Variants in MGAT4C observed in about 807,000 individuals in gnomAD.
The protein encoded by MGAT4C is alpha-1,3-mannosyl-glycoprotein 4-beta-N-acetylglucosaminyltransferase C.
MGAT4C carries 19 observed loss-of-function variants against 40.1 expected under a neutral mutation model. The observed-to-expected ratio is 0.47, with a 90% confidence interval of 0.33 to 0.70. MGAT4C has a LOEUF of 0.70. Among genes scored for constraint, MGAT4C ranks in the 30% least tolerant of loss-of-function variants. The pLI is 0.02. For missense variants in MGAT4C, 491 were observed against 563.2 expected, an observed-to-expected ratio of 0.87 and a Z score of 1.30; for synonymous variants, 181 against 187.1, an observed-to-expected ratio of 0.97 and a Z score of 0.27.
intron 2 of MGAT4C, among the ~76,000 whole-genome samples, chr12:86,457,033 G>A (rs774993765): frequency 6.6e-6 from 1 of 152,086 alleles, no homozygotes; most frequent in Non-Finnish European, 1.5e-5. Flanking sequence ...GGTCCAGGAC[G>A]TCCCTATTTC....
intron 2 of MGAT4C, among the ~76,000 whole-genome samples, chr12:86,661,211 A>C (rs1666743714): frequency 6.6e-6 from 1 of 152,056 alleles, no homozygotes. Flanking sequence ...AGAAAGGAAA[A>C]GGAAAAAGCC....
chr12:86,461,089 A>T (rs1957591137), intron 2 of MGAT4C, among the ~76,000 whole-genome samples: 1 of 152,120 alleles, frequency 6.6e-6, no homozygotes, highest in African/African-American at 2.4e-5. Flanking sequence ...TAGGTCTCAA[A>T]GCCATTCAAG....
At chr12:86,034,072 T>C (rs142750441) in intron 2 of MGAT4C, among the ~76,000 whole-genome samples, 1 of 150,056 alleles carries the variant, frequency 6.7e-6, no homozygotes, top group Non-Finnish European at 1.5e-5. Flanking sequence ...TTTGCATATG[T>C]TGAACCAGCC....
chr12:86,443,975 G>T (rs181112454), intron 2 of MGAT4C, among the ~76,000 whole-genome samples: 3 of 151,986 alleles, frequency 2.0e-5, no homozygotes, highest in Non-Finnish European at 4.4e-5. Context: ...CTCCCTCTGC[G>T]TTAATTCATC....
At chr12:86,207,493 A>G (rs775819120) in intron 1 of MGAT4C, among the ~76,000 whole-genome samples, 36 of 151,940 alleles carry the variant, frequency 2.4e-4, no homozygotes, top group Non-Finnish European at 3.7e-4. Context: ...CCCTGTGTCC[A>G]TGTGTTCTAC....
chr12:86,159,359 C>T (rs567646392), intron 1 of MGAT4C, among the ~76,000 whole-genome samples: 23 of 150,336 alleles, frequency 1.5e-4, no homozygotes, highest in Non-Finnish European at 3.0e-4. Flanking sequence ...CCTCACATCT[C>T]AGGAATAAAG....
chr12:86,367,893 C>T (rs1306640700), intron 3 of MGAT4C, among the ~76,000 whole-genome samples: 1 of 152,182 alleles, frequency 6.6e-6, no homozygotes, highest in Non-Finnish European at 1.5e-5. Context: ...GGGCTCCGAC[C>T]TAACATGGCC....
intron 2 of MGAT4C, among the ~76,000 whole-genome samples, chr12:86,462,218 C>A (rs1002753525): frequency 2.6e-5 from 4 of 152,238 alleles, no homozygotes; most frequent in Non-Finnish European, 4.4e-5. Context: ...TCTTTAGCAA[C>A]AATTTTTTCC....
intron 2 of MGAT4C, among the ~76,000 whole-genome samples, chr12:86,504,768 C>T (rs973697894): frequency 2.0e-5 from 3 of 152,054 alleles, no homozygotes; most frequent in African/African-American, 7.2e-5. Flanking sequence ...TTCACTGCAA[C>T]CTCCGCCTCC....
At chr12:86,394,614 C>CTT (rs1222338180) in intron 3 of MGAT4C, among the ~76,000 whole-genome samples, 2 of 93,034 alleles carry the variant, frequency 2.1e-5, no homozygotes, top group African/African-American at 3.3e-5. Flanking sequence ...TATATATATA[C>CTT]TTTATATATA....
At chr12:86,542,231 A>G (rs1165527304) in intron 2 of MGAT4C, among the ~76,000 whole-genome samples, 1 of 152,208 alleles carries the variant, frequency 6.6e-6, no homozygotes, top group Non-Finnish European at 1.5e-5. Flanking sequence ...AAGATTGAGG[A>G]ACAATTAGAA....
At chr12:86,353,410 G>C (rs1184976443) in intron 3 of MGAT4C, among the ~76,000 whole-genome samples, 1 of 152,170 alleles carries the variant, frequency 6.6e-6, no homozygotes, top group African/African-American at 2.4e-5. Flanking sequence ...CCCATGGGGT[G>C]AGTTCTCTCT....
At chr12:86,278,474 CATCT>C (rs929430277) in intron 4 of MGAT4C, among the ~76,000 whole-genome samples, 14 of 152,022 alleles carry the variant, frequency 9.2e-5, no homozygotes, top group African/African-American at 3.4e-4. Context: ...CCACCATGCC[CATCT>C]TTGTTTATTT....
chr12:86,796,329 A>G (rs1952118679), intron 1 of MGAT4C, among the ~76,000 whole-genome samples: 2 of 151,976 alleles, frequency 1.3e-5, no homozygotes, highest in Non-Finnish European at 1.5e-5. Context: ...CTAGATGTAC[A>G]GTGGGAAATA....
At chr12:86,197,910 T>C (rs573854346) in intron 1 of MGAT4C, among the ~76,000 whole-genome samples, 1 of 152,232 alleles carries the variant, frequency 6.6e-6, no homozygotes, top group East Asian at 1.9e-4. Flanking sequence ...ATAGTAAGCA[T>C]AATTTATAGC....
chr12:86,453,286 G>A (rs1456846396), intron 2 of MGAT4C, among the ~76,000 whole-genome samples: 2 of 151,880 alleles, frequency 1.3e-5, no homozygotes, highest in African/African-American at 4.8e-5. Flanking sequence ...GAAAGTATAC[G>A]GTACTCAAAT....
chr12:86,502,245 C>G (rs1002881013), intron 2 of MGAT4C, among the ~76,000 whole-genome samples: 16 of 151,940 alleles, frequency 1.1e-4, no homozygotes, highest in African/African-American at 3.9e-4. Flanking sequence ...GAAGCAAATC[C>G]TAAAATGATA....
At chr12:86,838,841 G>A (rs951263623), upstream of MGAT4C, 1 of 152,168 alleles carries the variant, frequency 6.6e-6, no homozygotes, top group Admixed American at 6.6e-5. Context: ...TCTAGATCCC[G>A]GGTTGCATTC....
chr12:86,708,236 C>T (rs1349510218), intron 2 of MGAT4C, among the ~76,000 whole-genome samples: 2 of 152,216 alleles, frequency 1.3e-5, no homozygotes, highest in Non-Finnish European at 1.5e-5. Flanking sequence ...AAAAGTACAG[C>T]TTGGACCACG....
Sources: gnomAD v4.1 joint callset for allele counts (sites outside exome capture counted in the v4.1 genomes callset) on GRCh38, gnomAD v4.1.1 for gene constraint, MANE v1.5 for transcripts, NCBI Gene and HGNC (gene_info 2026-07-23, HGNC 2026-07-21) for gene names.